COMMD1: variants seen among roughly 807,000 people sequenced by gnomAD.
COMMD1 encodes the protein COMM domain-containing protein 1.
A neutral mutation model predicts 17.2 loss-of-function variants in COMMD1; 10 were observed. The ratio of observed to expected loss-of-function variants is 0.58; its 90% CI spans 0.36 to 0.99. COMMD1 has a LOEUF of 0.99. Ranked by LOEUF, COMMD1 falls within the 50% of genes least tolerant of loss-of-function variation. The probability of loss-of-function intolerance (pLI) is 0.01; values close to 1 mark genes in which losing one functional copy is unlikely to be tolerated. For missense variants in COMMD1, 270 were observed against 231.8 expected, an observed-to-expected ratio of 1.17 and a Z score of -1.07; for synonymous variants, 97 against 91.6, an observed-to-expected ratio of 1.06 and a Z score of -0.34.
chr2:62,091,923 A>G (rs913170882), intron 2 of COMMD1, among the ~76,000 whole-genome samples: 7 of 152,216 alleles, frequency 4.6e-5, no homozygotes, highest in Non-Finnish European at 8.8e-5. Flanking sequence ...TTGCAGCCCT[A>G]TAATAGAGGT....
At chr2:62,043,838 T>G (rs1197705135) in intron 2 of COMMD1, among the ~76,000 whole-genome samples, 1 of 152,194 alleles carries the variant, frequency 6.6e-6, no homozygotes, top group Non-Finnish European at 1.5e-5. Context: ...ATCGTGCTGG[T>G]GTTTTTGGTA....
At chr2:61,948,863 A>C (rs1670981188) in intron 1 of COMMD1, among the ~76,000 whole-genome samples, 1 of 152,178 alleles carries the variant, frequency 6.6e-6, no homozygotes, top group Non-Finnish European at 1.5e-5. Flanking sequence ...CTCCCTAGGG[A>C]AGGAGCAGAA....
chr2:61,984,783 G>A (rs1672058149), intron 1 of COMMD1, among the ~76,000 whole-genome samples: 2 of 152,124 alleles, frequency 1.3e-5, no homozygotes, highest in African/African-American at 4.8e-5. Flanking sequence ...ATTGTATTGG[G>A]GTCTGTCTCT....
intron 1 of COMMD1, among the ~76,000 whole-genome samples, chr2:61,959,552 G>A (rs1279399529): frequency 6.6e-6 from 1 of 152,112 alleles, no homozygotes; most frequent in Non-Finnish European, 1.5e-5. Flanking sequence ...TTACAGATAA[G>A]TAAACTGAGA....
At chr2:62,015,024 A>G (rs1669397559) in intron 2 of COMMD1, among the ~76,000 whole-genome samples, 1 of 152,166 alleles carries the variant, frequency 6.6e-6, no homozygotes, top group African/African-American at 2.4e-5. Flanking sequence ...CCTGGGCTCA[A>G]GCAGTCCTCC....
intron 2 of COMMD1, among the ~76,000 whole-genome samples, chr2:62,099,014 G>T (rs1291571584): frequency 1.3e-5 from 2 of 152,158 alleles, no homozygotes; most frequent in Non-Finnish European, 2.9e-5. Context: ...ATTATGTTAG[G>T]ATCCCCTCTG....
intron 1 of COMMD1, among the ~76,000 whole-genome samples, chr2:61,927,469 T>C (rs1313856699): frequency 1.3e-5 from 2 of 150,272 alleles, no homozygotes; most frequent in Non-Finnish European, 3.0e-5. Context: ...GTCAGCTCAC[T>C]GCACACTCCA....
chr2:62,070,811 G>A (rs922803927), intron 2 of COMMD1, among the ~76,000 whole-genome samples: 2 of 152,100 alleles, frequency 1.3e-5, no homozygotes, highest in South Asian at 4.2e-4. Flanking sequence ...GTGCAGATCA[G>A]TTGAGGTCAG....
At chr2:61,906,565 G>C (rs1669776631) in intron 1 of COMMD1, among the ~76,000 whole-genome samples, 2 of 152,002 alleles carry the variant, frequency 1.3e-5, no homozygotes, top group African/African-American at 4.8e-5. Context: ...TAAGTGCTCA[G>C]TAGTCACATA....
At chr2:61,936,214 C>G (rs939177153) in intron 1 of COMMD1, among the ~76,000 whole-genome samples, 32 of 152,090 alleles carry the variant, frequency 2.1e-4, no homozygotes, top group African/African-American at 7.0e-4. Flanking sequence ...CTGGAAATTC[C>G]TACCCAGTCC....
intron 1 of COMMD1, among the ~76,000 whole-genome samples, chr2:61,937,107 G>A (rs1670625420): frequency 6.6e-6 from 1 of 152,182 alleles, no homozygotes; most frequent in Non-Finnish European, 1.5e-5. Flanking sequence ...ATAAGGGGTT[G>A]TAGACAGCAA....
intron 1 of COMMD1, among the ~76,000 whole-genome samples, chr2:61,944,344 C>T (rs772243253): frequency 6.6e-6 from 1 of 151,880 alleles, no homozygotes; most frequent in Non-Finnish European, 1.5e-5. Context: ...CCCAACTACT[C>T]TGGAGGCTGA....
intron 1 of COMMD1, among the ~76,000 whole-genome samples, chr2:61,899,277 T>A (rs1202516722): frequency 1.3e-5 from 2 of 152,188 alleles, no homozygotes; most frequent in Non-Finnish European, 2.9e-5. Context: ...AACATTCTTA[T>A]TGTCAAGGAT....
chr2:61,990,903 T>TATAC (rs776666143), intron 1 of COMMD1, among the ~76,000 whole-genome samples: 3,908 of 116,114 alleles, frequency 0.034, 139 homozygotes, highest in Non-Finnish European at 0.053. Flanking sequence ...TATATATATA[T>TATAC]ACACACACAC....
chr2:62,091,927 T>C (rs564192165), intron 2 of COMMD1, among the ~76,000 whole-genome samples: 2 of 152,316 alleles, frequency 1.3e-5, no homozygotes, highest in African/African-American at 4.8e-5. Context: ...AGCCCTATAA[T>C]AGAGGTACCC....
At chr2:61,984,134 C>T (rs944532998) in intron 1 of COMMD1, among the ~76,000 whole-genome samples, 20 of 152,200 alleles carry the variant, frequency 1.3e-4, no homozygotes, top group African/African-American at 4.6e-4. Context: ...AAGCGATTCT[C>T]CCACCTCAGC....
intron 2 of COMMD1, among the ~76,000 whole-genome samples, chr2:62,063,939 C>CA (rs1450644062): frequency 4.4e-5 from 6 of 135,846 alleles, no homozygotes; most frequent in African/African-American, 1.6e-4. Context: ...CCTAGCTACT[C>CA]AGGAGGCTGA....
chr2:61,921,377 T>C (rs1670193036), intron 1 of COMMD1, among the ~76,000 whole-genome samples: 1 of 152,250 alleles, frequency 6.6e-6, no homozygotes, highest in Non-Finnish European at 1.5e-5. Context: ...AAATATTGAA[T>C]ATTGAATCTG....
At chr2:61,913,320 T>G (rs534497751) in intron 1 of COMMD1, among the ~76,000 whole-genome samples, 67 of 131,082 alleles carry the variant, frequency 5.1e-4, no homozygotes, top group African/African-American at 1.9e-3. Flanking sequence ...TGAGCCAAGA[T>G]CGCACCACTG....
Sources: allele counts gnomAD v4.1 joint callset (sites outside exome capture counted in the v4.1 genomes callset), GRCh38; gene constraint gnomAD v4.1.1; transcripts MANE v1.5; gene names NCBI Gene and HGNC (gene_info 2026-07-23, HGNC 2026-07-21).